KLHL28: variants seen among roughly 807,000 people sequenced by gnomAD.
KLHL28 encodes the protein kelch-like protein 28.
In KLHL28, 22 loss-of-function variants were observed where a neutral mutation model predicts 48.3. That is an observed-to-expected ratio of 0.46 (90% confidence interval 0.33 to 0.65). The LOEUF (loss-of-function observed/expected upper bound fraction) is 0.65. KLHL28 is among the 30% of genes least tolerant of loss of function. The pLI, the probability that KLHL28 is intolerant of heterozygous loss-of-function variation, is 0.03. For missense variants in KLHL28, 527 were observed against 704.3 expected, an observed-to-expected ratio of 0.75 and a Z score of 2.85; for synonymous variants, 243 against 242.4, an observed-to-expected ratio of 1.00 and a Z score of -0.02.
intron 4 of KLHL28, among the ~76,000 whole-genome samples, chr14:44,930,113 T>C (rs1883518299): frequency 6.6e-6 from 1 of 152,226 alleles, no homozygotes; most frequent in Admixed American, 6.5e-5. Context: ...TCTCATTGTT[T>C]CTGTGGCTTT....
At chr14:44,951,519 G>GTA (rs1884579014) in intron 1 of KLHL28, among the ~76,000 whole-genome samples, 1 of 152,144 alleles carries the variant, frequency 6.6e-6, no homozygotes, top group African/African-American at 2.4e-5. Flanking sequence ...ATTCCAACTA[G>GTA]TAAGTAAGAC....
At chr14:44,959,961 G>A (rs1363935608) in intron 1 of KLHL28, among the ~76,000 whole-genome samples, 2 of 152,048 alleles carry the variant, frequency 1.3e-5, no homozygotes, top group Non-Finnish European at 2.9e-5. Flanking sequence ...CACACTCAAT[G>A]AATGAGATTT....
chr14:44,935,754 G>A (rs1883783769), intron 2 of KLHL28, among the ~76,000 whole-genome samples: 1 of 150,904 alleles, frequency 6.6e-6, no homozygotes, highest in South Asian at 2.1e-4. Context: ...GGCACAGGGG[G>A]ACTTCAGAAG....
At chr14:44,957,250 T>C (rs939617041) in intron 1 of KLHL28, among the ~76,000 whole-genome samples, 6 of 152,222 alleles carry the variant, frequency 3.9e-5, no homozygotes, top group African/African-American at 1.4e-4. Flanking sequence ...GCGTGATAGG[T>C]AAATAGATGT....
At chr14:44,960,806 G>A in intron 1 of KLHL28, 1 of 589,820 alleles carries the variant, frequency 1.7e-6, no homozygotes, top group Non-Finnish European at 2.7e-6. Context: ...TGCATCAGCT[G>A]GGAGCATTAT....
At chr14:44,960,958 CT>C (rs1440899675) in intron 1 of KLHL28, 1 of 1,420,050 alleles carries the variant, frequency 7.0e-7, no homozygotes, top group East Asian at 2.5e-5. Flanking sequence ...ATAACTTAGA[CT>C]TTTCGCACGA....
At chr14:44,951,243 TAGAG>T (rs1347442835) in intron 1 of KLHL28, among the ~76,000 whole-genome samples, 7 of 151,994 alleles carry the variant, frequency 4.6e-5, no homozygotes, top group Admixed American at 1.3e-4. Flanking sequence ...GTAGGGGAAA[TAGAG>T]AGGTGAGTGG....
At chr14:44,941,560 G>T (rs1485524630) in intron 2 of KLHL28, among the ~76,000 whole-genome samples, 2 of 150,896 alleles carry the variant, frequency 1.3e-5, no homozygotes, top group South Asian at 4.2e-4. Flanking sequence ...CCTGGGAGGC[G>T]GAGATTGCGG....
intron 2 of KLHL28, 58 bp from the exon 3 acceptor site, chr14:44,934,616 G>T: frequency 1.6e-6 from 2 of 1,284,826 alleles, no homozygotes; most frequent in Non-Finnish European, 1.1e-6. Context: ...CATAAAGACA[G>T]ATATGTTTAA....
chr14:44,950,902 C>T (rs1269353850), intron 1 of KLHL28, among the ~76,000 whole-genome samples: 1 of 152,112 alleles, frequency 6.6e-6, no homozygotes, highest in Non-Finnish European at 1.5e-5. Context: ...GCTTACTGTC[C>T]AGGGAACAAA....
In KLHL28 at chr14:44,945,297, T is replaced by G; in HGVS notation, c.632A>C (p.Gln211Pro). The stretch of plus-strand genomic sequence containing the variant: ...CTGTGCTAAGTATTTCTGGCGTTCT[T>G]GTACATCATACTTGATCCAAGACTC... The part of the protein sequence containing the change: ...ALESWIKYDV[Q>P]ERQKYLAQLL... Residue 211 changes from glutamine to proline, a missense_variant, in exon 2 of 5, where the codon CAA becomes CCA. Coordinates refer to ENST00000396128, the MANE Select transcript of KLHL28 (RefSeq NM_017658.5). 6.2e-7 allele frequency: 1 copy of G among 1,614,180 alleles called. No individual in the cohort carries two copies. The highest frequency in any genetic ancestry group is 8.5e-7 in the Non-Finnish European group (1 of 1,180,030).
At chr14:44,939,979 A>G (rs1032063471) in intron 2 of KLHL28, among the ~76,000 whole-genome samples, 21 of 152,216 alleles carry the variant, frequency 1.4e-4, no homozygotes, top group African/African-American at 3.4e-4. Context: ...AATACAAAAT[A>G]CTGGGTAATT....
At chr14:44,932,271 T>A (rs1014904290) in intron 3 of KLHL28, among the ~76,000 whole-genome samples, 3 of 147,922 alleles carry the variant, frequency 2.0e-5, no homozygotes, top group Non-Finnish European at 3.0e-5. Flanking sequence ...GAGAAAAACC[T>A]TTATTTTTTT....
At chr14:44,953,329 A>C (rs969675637) in intron 1 of KLHL28, among the ~76,000 whole-genome samples, 2 of 152,234 alleles carry the variant, frequency 1.3e-5, no homozygotes, top group Non-Finnish European at 2.9e-5. Context: ...ATATATGAAA[A>C]ATGTAATTAT....
At chr14:44,949,898 T>C (rs188711762) in intron 1 of KLHL28, among the ~76,000 whole-genome samples, 24 of 152,178 alleles carry the variant, frequency 1.6e-4, no homozygotes, top group Non-Finnish European at 1.2e-4. Context: ...AGAGGAGAAA[T>C]TTTTGCTTTG....
At chr14:44,932,461 G>T (rs537575082) in intron 3 of KLHL28, among the ~76,000 whole-genome samples, 25 of 152,152 alleles carry the variant, frequency 1.6e-4, no homozygotes, top group African/African-American at 6.0e-4. Flanking sequence ...AATTAAATCA[G>T]AATTTTCAAA....
At chr14:44,943,675 A>C (rs1280022065) in intron 2 of KLHL28, among the ~76,000 whole-genome samples, 5 of 151,578 alleles carry the variant, frequency 3.3e-5, no homozygotes, top group African/African-American at 1.2e-4. Flanking sequence ...TAAAAAATAA[A>C]AAATAAATAA....
intron 3 of KLHL28, among the ~76,000 whole-genome samples, chr14:44,933,676 G>T (rs957506085): frequency 3.3e-5 from 5 of 152,076 alleles, no homozygotes; most frequent in Non-Finnish European, 7.4e-5. Context: ...TTACAGGAAA[G>T]AATTCAGAAA....
intron 4 of KLHL28, 143 bp from the exon 5 acceptor site, chr14:44,929,334 G>C (rs1436755549): frequency 1.3e-6 from 1 of 741,820 alleles, no homozygotes; most frequent in Non-Finnish European, 2.0e-6. Flanking sequence ...ATATACAGTA[G>C]TCCTCCCTTT....
Sources: gnomAD v4.1 joint callset for allele counts (sites outside exome capture counted in the v4.1 genomes callset) on GRCh38, gnomAD v4.1.1 for gene constraint, MANE v1.5 for transcripts, NCBI Gene and HGNC (gene_info 2026-07-23, HGNC 2026-07-21) for gene names.